ATRNL1: variants seen among roughly 807,000 people sequenced by gnomAD.
ATRNL1 encodes attractin-like protein 1.
Under a neutral mutation model 182.7 loss-of-function variants are expected in ATRNL1, and 95 were observed. The ratio of observed to expected loss-of-function variants is 0.52; its 90% confidence interval spans 0.44 to 0.62. The LOEUF is 0.62. Ranked by LOEUF, ATRNL1 falls within the 20% of genes least tolerant of loss-of-function variation. The probability of loss-of-function intolerance (pLI) is 0.00; values close to 1 mark genes in which losing one functional copy is unlikely to be tolerated. For missense variants in ATRNL1, 1,471 were observed against 1,679.5 expected, an observed-to-expected ratio of 0.88 and a Z score of 2.17; for synonymous variants, 576 against 568.3, an observed-to-expected ratio of 1.01 and a Z score of -0.19.
intron 25 of ATRNL1, 70 bp from the exon 26 acceptor site, chr10:115,549,388 C>T: frequency 9.2e-7 from 1 of 1,091,782 alleles, no homozygotes. Flanking sequence ...TTGAGTCTTT[C>T]ATGTACTGTT....
At chr10:115,678,329 A>G (rs113242551) in intron 26 of ATRNL1, among the ~76,000 whole-genome samples, 2,693 of 152,200 alleles carry the variant, frequency 0.018, 82 homozygotes, top group African/African-American at 0.062. Context: ...AGTACAATTG[A>G]ACAATAAATA....
chr10:115,909,989 A>G (rs1160326052), intron 28 of ATRNL1, among the ~76,000 whole-genome samples: 3 of 152,194 alleles, frequency 2.0e-5, no homozygotes, highest in Admixed American at 6.5e-5. Context: ...GGATGTTGCA[A>G]CCTGATTTGG....
intron 28 of ATRNL1, among the ~76,000 whole-genome samples, chr10:115,918,682 T>C (rs1952953945): frequency 6.6e-6 from 1 of 152,110 alleles, no homozygotes; most frequent in Admixed American, 6.5e-5. Context: ...AAAACAGCAA[T>C]AAACAACAAA....
chr10:115,504,540 C>T (rs2133646343), intron 24 of ATRNL1, among the ~76,000 whole-genome samples: 1 of 152,094 alleles, frequency 6.6e-6, no homozygotes. Context: ...ATTATTTTCT[C>T]TTGGGCTGGG....
At chr10:115,453,533 G>C (rs1005669009) in intron 21 of ATRNL1, among the ~76,000 whole-genome samples, 25 of 151,910 alleles carry the variant, frequency 1.6e-4, no homozygotes, top group Admixed American at 4.6e-4. Flanking sequence ...TTTTTAGTTT[G>C]ATGTAATTTC....
intron 27 of ATRNL1, among the ~76,000 whole-genome samples, chr10:115,771,780 G>C (rs918778435): frequency 1.3e-5 from 2 of 152,120 alleles, no homozygotes; most frequent in African/African-American, 4.8e-5. Flanking sequence ...CCAATGCCTT[G>C]ATTGGGATGC....
chr10:115,542,781 G>A (rs1279047128), intron 25 of ATRNL1, among the ~76,000 whole-genome samples: 1 of 152,108 alleles, frequency 6.6e-6, no homozygotes, highest in African/African-American at 2.4e-5. Context: ...GACAGTTCAA[G>A]ATCAGGGTAC....
intron 10 of ATRNL1, among the ~76,000 whole-genome samples, chr10:115,262,967 G>C (rs924633039): frequency 6.6e-6 from 1 of 151,866 alleles, no homozygotes; most frequent in African/African-American, 2.4e-5. Flanking sequence ...TAAAATCGAA[G>C]TTGTGTCTTT....
chr10:115,363,733 A>G (rs1211089078), intron 19 of ATRNL1, among the ~76,000 whole-genome samples: 1 of 151,912 alleles, frequency 6.6e-6, no homozygotes, highest in South Asian at 2.1e-4. Flanking sequence ...AGCTTTCTAC[A>G]TATGGCTAGC....
intron 26 of ATRNL1, among the ~76,000 whole-genome samples, chr10:115,678,228 A>G (rs1308028222): frequency 6.6e-6 from 1 of 152,144 alleles, no homozygotes; most frequent in African/African-American, 2.4e-5. Flanking sequence ...TTCTTCAGGC[A>G]CATCAAGCTA....
At chr10:115,206,787 T>G (rs1011932205) in intron 8 of ATRNL1, among the ~76,000 whole-genome samples, 1 of 152,164 alleles carries the variant, frequency 6.6e-6, no homozygotes, top group Non-Finnish European at 1.5e-5. Context: ...GCTGCACCCA[T>G]CAACTCGTCA....
intron 20 of ATRNL1, among the ~76,000 whole-genome samples, chr10:115,420,196 A>C (rs1845587690): frequency 6.6e-6 from 1 of 152,018 alleles, no homozygotes; most frequent in Non-Finnish European, 1.5e-5. Flanking sequence ...GGTGCCTGCC[A>C]CCATGCCTGG....
chr10:115,521,052 A>C (rs1157832670), intron 25 of ATRNL1, among the ~76,000 whole-genome samples: 1 of 152,208 alleles, frequency 6.6e-6, no homozygotes, highest in Non-Finnish European at 1.5e-5. Context: ...AATGAATTTT[A>C]AGGCTATTAA....
intron 26 of ATRNL1, among the ~76,000 whole-genome samples, chr10:115,578,216 T>A (rs533157378): frequency 6.6e-6 from 1 of 152,006 alleles, no homozygotes; most frequent in South Asian, 2.1e-4. Context: ...ATAGTTTTCT[T>A]TTCTCGTGAT....
intron 26 of ATRNL1, among the ~76,000 whole-genome samples, chr10:115,710,811 C>A (rs1440483353): frequency 1.3e-5 from 2 of 152,062 alleles, no homozygotes; most frequent in East Asian, 3.9e-4. Flanking sequence ...CCTAATAAAT[C>A]ATTCATTCAT....
At position 115,787,977 on chromosome 10, in the gene ATRNL1, C is replaced by T. The variant is rs534629460; in HGVS notation, c.3904-59900C>T. Among the ~76,000 whole-genome samples, 19 of 152,278 alleles carry T rather than the reference C, an allele frequency of 1.2e-4. No homozygotes were observed. In the South Asian group the frequency reaches 3.7e-3, roughly 30 times the overall value. The stretch of plus-strand genomic sequence containing the variant: ...CAAACTGATTTCTAATCCCTGGCCT[C>T]CACAATTGTGAGAAAATCCATTTCT... On this transcript the variant is annotated intron_variant, in intron 27 of 28. Coordinates refer to ENST00000355044, the MANE Select transcript of ATRNL1 (RefSeq NM_207303.4).
intron 26 of ATRNL1, among the ~76,000 whole-genome samples, chr10:115,625,300 G>A (rs1376355076): frequency 6.6e-6 from 1 of 152,120 alleles, no homozygotes; most frequent in Admixed American, 6.6e-5. Context: ...AAATGGAAGA[G>A]TTGTCACTGT....
At chr10:115,308,964 T>C (rs1333676863) in intron 17 of ATRNL1, among the ~76,000 whole-genome samples, 1 of 152,170 alleles carries the variant, frequency 6.6e-6, no homozygotes, top group African/African-American at 2.4e-5. Context: ...GTTTCATTCT[T>C]CTACATATGT....
At chr10:115,115,734 G>C (rs759508032) in intron 1 of ATRNL1, among the ~76,000 whole-genome samples, 1 of 152,130 alleles carries the variant, frequency 6.6e-6, no homozygotes, top group East Asian at 1.9e-4. Flanking sequence ...GTGATAAACA[G>C]GATTTATTGT....
Sources: gnomAD v4.1 joint callset for allele counts (sites outside exome capture counted in the v4.1 genomes callset) on GRCh38, gnomAD v4.1.1 for gene constraint, MANE v1.5 for transcripts, NCBI Gene and HGNC (gene_info 2026-07-23, HGNC 2026-07-21) for gene names.